Variants in AGTPBP1 observed in about 807,000 individuals in gnomAD.
AGTPBP1 encodes cytosolic carboxypeptidase 1.
A neutral mutation model predicts 143.9 loss-of-function variants in AGTPBP1; 70 were observed. The ratio of observed to expected loss-of-function variants is 0.49; its 90% CI spans 0.40 to 0.59. The LOEUF (loss-of-function observed/expected upper bound fraction) is 0.59. Ranked by LOEUF, AGTPBP1 falls within the 20% of genes least tolerant of loss-of-function variation. The pLI is 0.00. For missense variants in AGTPBP1, 1,229 were observed against 1,464.5 expected (o/e 0.84, Z 2.62); for synonymous variants, 463 against 500.2 (o/e 0.93, Z 0.99).
At chr9:85,618,273 T>G (rs745468558) in intron 17 of AGTPBP1, among the ~76,000 whole-genome samples, 1 of 151,410 alleles carries the variant, frequency 6.6e-6, no homozygotes, top group South Asian at 2.1e-4. Flanking sequence ...TAAAAGACTA[T>G]CAAGAAAGGA....
chr9:85,621,135 A>G, intron 15 of AGTPBP1, 67 bp downstream of exon 15: 1 of 859,222 alleles, frequency 1.2e-6, no homozygotes, highest in Non-Finnish European at 1.7e-6. Context: ...TTTATCTTTT[A>G]GAAATAATAC....
chr9:85,678,759 C>T (rs1352194913), intron 4 of AGTPBP1, among the ~76,000 whole-genome samples: 1 of 152,186 alleles, frequency 6.6e-6, no homozygotes, highest in Admixed American at 6.5e-5. Context: ...AAGGCAATCA[C>T]GTTATCAATT....
At chr9:85,617,599 T>C (rs1473908844) in intron 17 of AGTPBP1, among the ~76,000 whole-genome samples, 1 of 152,198 alleles carries the variant, frequency 6.6e-6, no homozygotes, top group Non-Finnish European at 1.5e-5. Context: ...TTTAAGATTT[T>C]TGTGGGTACA....
chr9:85,765,284 A>G, the AGTPBP1 span, among the ~76,000 whole-genome samples: 5 of 152,136 alleles, frequency 3.3e-5, no homozygotes, highest in Non-Finnish European at 4.4e-5. Flanking sequence ...TTTTCTCTAT[A>G]TATATTTCTT....
At chr9:85,740,270 G>A (rs4877304) in intron 1 of AGTPBP1, among the ~76,000 whole-genome samples, 1 of 152,118 alleles carries the variant, frequency 6.6e-6, no homozygotes, top group South Asian at 2.1e-4. Flanking sequence ...TGAGTCTGCA[G>A]TTGTAATTAT....
chr9:85,798,397 C>T, the AGTPBP1 span, among the ~76,000 whole-genome samples: 8 of 143,978 alleles, frequency 5.6e-5, no homozygotes, highest in South Asian at 2.2e-4. Context: ...GACGGAGTTT[C>T]GCTCTTGTTT....
intron 11 of AGTPBP1, among the ~76,000 whole-genome samples, chr9:85,653,283 T>C (rs540448493): frequency 1.3e-5 from 2 of 152,114 alleles, no homozygotes; most frequent in African/African-American, 2.4e-5. Flanking sequence ...AGTATTTTCC[T>C]AGTATCTATA....
chr9:85,593,612 C>A (rs974036378), intron 18 of AGTPBP1, among the ~76,000 whole-genome samples: 2 of 152,028 alleles, frequency 1.3e-5, no homozygotes, highest in Admixed American at 1.3e-4. Flanking sequence ...TTTAGAAATA[C>A]GTATGTAAGT....
At chr9:85,646,559 A>C in intron 11 of AGTPBP1, 141 bp from the exon 12 acceptor site, 2 of 630,900 alleles carry the variant, frequency 3.2e-6, no homozygotes, top group Non-Finnish European at 5.4e-6. Context: ...CATCTCTCTA[A>C]GGCTGTCCCA....
At chr9:85,630,572 T>G (rs201082988) in intron 14 of AGTPBP1, among the ~76,000 whole-genome samples, 1 of 152,056 alleles carries the variant, frequency 6.6e-6, no homozygotes, top group African/African-American at 2.4e-5. Context: ...CTCTGCCTCC[T>G]GGGTTCAAGC....
At chr9:85,680,854 T>G (rs1007041388) in intron 4 of AGTPBP1, among the ~76,000 whole-genome samples, 1 of 152,212 alleles carries the variant, frequency 6.6e-6, no homozygotes, top group Non-Finnish European at 1.5e-5. Flanking sequence ...AACCAATATG[T>G]GTAGTAAAAT....
chr9:85,678,354 A>G lies in AGTPBP1; in HGVS notation c.270T>C (p.Leu90=), dbSNP rs1273938261. 5 of 1,595,612 alleles carry G rather than the reference A, an allele frequency of 3.1e-6. No homozygotes were observed. The highest frequency in any genetic ancestry group is 3.4e-6 in the Non-Finnish European group (4 of 1,168,452). The part of the protein sequence containing the change: ...LQTTLNILSI[L]VELVSAGGGR... ...ACTTACCAGCTGACACCAGCTCAAC[A>G]AGAATGCTTAAGATATTAAGTGTAG... is the stretch of plus-strand genomic sequence containing the variant. Residue 90 remains leucine, a synonymous_variant, in exon 5 of 26, where the codon CTT becomes CTC. Coordinates refer to ENST00000357081, the MANE Select transcript of AGTPBP1 (RefSeq NM_001330701.2).
chr9:85,694,873 T>C (rs1322740559), intron 2 of AGTPBP1, among the ~76,000 whole-genome samples: 2 of 152,204 alleles, frequency 1.3e-5, no homozygotes, highest in African/African-American at 2.4e-5. Context: ...CTTCCAATCT[T>C]AACCTTTACA....
At chr9:85,659,937 TCTAA>T (rs1421987398) in intron 9 of AGTPBP1, among the ~76,000 whole-genome samples, 7 of 152,176 alleles carry the variant, frequency 4.6e-5, no homozygotes, top group Non-Finnish European at 7.4e-5. Flanking sequence ...ACAAAGCTAA[TCTAA>T]CTGAGTGTCA....
upstream of AGTPBP1, chr9:85,742,108 C>T (rs900970480): frequency 1.0e-6 from 1 of 1,002,162 alleles, no homozygotes; most frequent in Non-Finnish European, 1.2e-6. Flanking sequence ...TCCCTTGTTA[C>T]CTCCGTGCGC....
intron 8 of AGTPBP1, among the ~76,000 whole-genome samples, chr9:85,665,448 A>G (rs1834075188): frequency 6.6e-6 from 1 of 152,182 alleles, no homozygotes; most frequent in African/African-American, 2.4e-5. Flanking sequence ...CTCTGGAACT[A>G]TAAAACAATA....
At chr9:85,597,326 T>G (rs775953572) in intron 17 of AGTPBP1, among the ~76,000 whole-genome samples, 52 of 152,066 alleles carry the variant, frequency 3.4e-4, no homozygotes, top group Non-Finnish European at 7.1e-4. Context: ...ATGGATTTTT[T>G]AGTAATATAA....
At chr9:85,626,148 G>A (rs1831279028) in intron 14 of AGTPBP1, among the ~76,000 whole-genome samples, 1 of 152,034 alleles carries the variant, frequency 6.6e-6, no homozygotes, top group Admixed American at 6.6e-5. Context: ...AATCATCAGT[G>A]TGTTTGCAAT....
intron 14 of AGTPBP1, among the ~76,000 whole-genome samples, chr9:85,623,285 TAA>T (rs562025281): frequency 3.4e-5 from 5 of 147,482 alleles, no homozygotes; most frequent in African/African-American, 1.2e-4. Context: ...GCAATTGGTT[TAA>T]AAAAAAAAAT....
Sources: allele counts gnomAD v4.1 joint callset (sites outside exome capture counted in the v4.1 genomes callset), GRCh38; gene constraint gnomAD v4.1.1; transcripts MANE v1.5; gene names NCBI Gene and HGNC (gene_info 2026-07-23, HGNC 2026-07-21).